TMEM132D: variants seen among roughly 807,000 people sequenced by gnomAD.
TMEM132D encodes transmembrane protein 132D, also known as mature OL transmembrane protein.
TMEM132D carries 21 observed loss-of-function variants against 62.3 expected under a neutral mutation model. The observed-to-expected ratio is 0.34, with a 90% CI of 0.24 to 0.49. TMEM132D has a LOEUF of 0.49. TMEM132D is among the 20% of genes least tolerant of loss of function. TMEM132D has a pLI of 0.99. For missense variants in TMEM132D, 1,346 were observed against 1,402.8 expected, an observed-to-expected ratio of 0.96 and a Z score of 0.65; for synonymous variants, 621 against 575.6, an observed-to-expected ratio of 1.08 and a Z score of -1.13.
At chr12:129,297,581 T>C (rs1881609201) in intron 4 of TMEM132D, among the ~76,000 whole-genome samples, 1 of 152,136 alleles carries the variant, frequency 6.6e-6, no homozygotes, top group Admixed American at 6.5e-5. Flanking sequence ...GGCTTTCCTT[T>C]CCAGTTTAAG....
intron 3 of TMEM132D, among the ~76,000 whole-genome samples, chr12:129,449,211 A>G (rs1873195101): frequency 6.6e-6 from 1 of 152,214 alleles, no homozygotes; most frequent in African/African-American, 2.4e-5. Flanking sequence ...TCAGTGTTTG[A>G]CCTGGGGAAA....
intron 3 of TMEM132D, among the ~76,000 whole-genome samples, chr12:129,461,158 G>C (rs1311014391): frequency 6.6e-6 from 1 of 152,204 alleles, no homozygotes; most frequent in African/African-American, 2.4e-5. Flanking sequence ...GGTGCAGAAG[G>C]AATGAGCTGG....
chr12:129,375,869 G>A (rs1870765999), intron 3 of TMEM132D, among the ~76,000 whole-genome samples: 1 of 152,176 alleles, frequency 6.6e-6, no homozygotes, highest in Admixed American at 6.5e-5. Flanking sequence ...TAAGCTGAGA[G>A]TTTTACAAAC....
chr12:129,465,823 C>T (rs1210063337), intron 3 of TMEM132D, among the ~76,000 whole-genome samples: 4 of 152,154 alleles, frequency 2.6e-5, no homozygotes, highest in Admixed American at 2.6e-4. Context: ...GCTGGGATCA[C>T]AGTCACGTAC....
chr12:129,389,138 G>T (rs185532663), intron 3 of TMEM132D, among the ~76,000 whole-genome samples: 1 of 149,054 alleles, frequency 6.7e-6, no homozygotes, highest in African/African-American at 2.5e-5. Flanking sequence ...ACACCAACAC[G>T]AATCCTAATA....
chr12:129,214,648 G>GA (rs1879152422), intron 4 of TMEM132D, among the ~76,000 whole-genome samples: 1 of 151,842 alleles, frequency 6.6e-6, no homozygotes, highest in Non-Finnish European at 1.5e-5. Context: ...AAAATTTTGT[G>GA]AAAAAACAAA....
At chr12:129,684,222 T>C (rs1192155515) in intron 2 of TMEM132D, among the ~76,000 whole-genome samples, 1 of 152,170 alleles carries the variant, frequency 6.6e-6, no homozygotes, top group Non-Finnish European at 1.5e-5. Context: ...TCCCCATGTA[T>C]CATCAGAAAG....
At chr12:129,589,962 T>A (rs1341109811) in intron 2 of TMEM132D, among the ~76,000 whole-genome samples, 1 of 152,198 alleles carries the variant, frequency 6.6e-6, no homozygotes, top group Admixed American at 6.5e-5. Context: ...AATTAAACCA[T>A]CCCTTTTCAT....
chr12:129,788,668 C>T (rs1871310606), intron 1 of TMEM132D, among the ~76,000 whole-genome samples: 1 of 152,134 alleles, frequency 6.6e-6, no homozygotes, highest in South Asian at 2.1e-4. Flanking sequence ...TTGATTGACT[C>T]ATGCAGTGAA....
chr12:129,758,940 T>C (rs149111668), intron 1 of TMEM132D, among the ~76,000 whole-genome samples: 5,712 of 151,034 alleles, frequency 0.038, 174 homozygotes, highest in African/African-American at 0.079. Flanking sequence ...TTCTTTCTTT[T>C]TTTTTTTTTT....
intron 4 of TMEM132D, among the ~76,000 whole-genome samples, chr12:129,236,575 T>C (rs1432123594): frequency 6.6e-6 from 1 of 151,594 alleles, no homozygotes; most frequent in Admixed American, 6.6e-5. Context: ...TGTATGTTAA[T>C]TTTGTATTTT....
At chr12:129,676,183 A>G (rs575089802) in intron 2 of TMEM132D, among the ~76,000 whole-genome samples, 3 of 152,298 alleles carry the variant, frequency 2.0e-5, no homozygotes, top group African/African-American at 7.2e-5. Context: ...GTTAAGCTCT[A>G]GCAAAAAATA....
At chr12:129,349,623 T>A (rs756887441) in intron 3 of TMEM132D, among the ~76,000 whole-genome samples, 2 of 152,166 alleles carry the variant, frequency 1.3e-5, no homozygotes, top group Non-Finnish European at 2.9e-5. Flanking sequence ...AACCTTCACC[T>A]CCTGCTCTAG....
intron 2 of TMEM132D, among the ~76,000 whole-genome samples, chr12:129,599,131 G>T (rs987162732): frequency 9.9e-5 from 15 of 152,128 alleles, no homozygotes; most frequent in African/African-American, 3.1e-4. Context: ...GCACAGCTGA[G>T]AAGTAGAAAA....
At chr12:129,593,053 A>G (rs755670010) in intron 2 of TMEM132D, among the ~76,000 whole-genome samples, 1 of 152,200 alleles carries the variant, frequency 6.6e-6, no homozygotes, top group Admixed American at 6.5e-5. Context: ...ACAGAGACCT[A>G]TGAGGTTCAG....
intron 3 of TMEM132D, among the ~76,000 whole-genome samples, chr12:129,426,560 C>T (rs1872503707): frequency 6.6e-6 from 1 of 152,188 alleles, no homozygotes; most frequent in Admixed American, 6.5e-5. Flanking sequence ...GAATCTCCAT[C>T]ACTGTGCCAA....
intron 3 of TMEM132D, among the ~76,000 whole-genome samples, chr12:129,409,927 C>T (rs1871914514): frequency 6.6e-6 from 1 of 152,146 alleles, no homozygotes; most frequent in African/African-American, 2.4e-5. Context: ...TATGAGTTAA[C>T]GTAGACTTCT....
At chr12:129,434,442 C>T (rs1042221760) in intron 3 of TMEM132D, among the ~76,000 whole-genome samples, 4 of 151,962 alleles carry the variant, frequency 2.6e-5, no homozygotes, top group African/African-American at 9.7e-5. Context: ...ATAGTGATAC[C>T]CTCCTCATAC....
intron 1 of TMEM132D, among the ~76,000 whole-genome samples, chr12:129,703,076 A>G (rs1361708952): frequency 6.6e-6 from 1 of 152,226 alleles, no homozygotes; most frequent in African/African-American, 2.4e-5. Context: ...ACCACTCAGA[A>G]CAAGTACCTT....
Sources: gnomAD v4.1 joint callset for allele counts (sites outside exome capture counted in the v4.1 genomes callset) on GRCh38, gnomAD v4.1.1 for gene constraint, MANE v1.5 for transcripts, NCBI Gene and HGNC (gene_info 2026-07-23, HGNC 2026-07-21) for gene names.